CTNNA1: variants seen among roughly 807,000 people sequenced by gnomAD.
The protein encoded by CTNNA1 is catenin alpha-1.
CTNNA1 carries 37 observed loss-of-function variants against 98.4 expected under a neutral mutation model. The observed-to-expected ratio is 0.38, with a 90% CI of 0.29 to 0.49. The LOEUF is 0.49. CTNNA1 is among the 20% of genes least tolerant of loss of function. The pLI, the probability that CTNNA1 is intolerant of heterozygous loss-of-function variation, is 0.95. For missense variants in CTNNA1, 761 were observed against 1,147.2 expected (o/e 0.66, Z 4.86); for synonymous variants, 404 against 413.2 (o/e 0.98, Z 0.27).
At position 138,782,002 on chromosome 5, in the gene CTNNA1, G is replaced by A; in HGVS notation, c.78G>A (p.Glu26=). ...TAGAGATCAGGACTCTGGCAGTTGAGAGACTGTTGGAGCCTCTTGTTACAC... is the reference window on the plus strand; with the variant it reads ...TAGAGATCAGGACTCTGGCAGTTGAAAGACTGTTGGAGCCTCTTGTTACAC... ...KSLEIRTLAV[E]RLLEPLVTQV... is the part of the protein sequence containing the mutation. The change falls in exon 2 of 18, where the codon GAG becomes GAA. Residue 26 remains glutamate (E), a synonymous_variant. Coordinates refer to ENST00000302763, the MANE Select transcript of CTNNA1 (RefSeq NM_001903.5). 6.2e-7 allele frequency: 1 copy of A among 1,607,980 alleles called. No individual in the cohort carries two copies. Among genetic ancestry groups the A allele is most frequent in the Non-Finnish European group, 8.5e-7 (1 of 1,178,790 alleles).
intron 9 of CTNNA1, among the ~76,000 whole-genome samples, chr5:138,898,920 T>C (rs1757460090): frequency 6.6e-6 from 1 of 152,226 alleles, no homozygotes; most frequent in South Asian, 2.1e-4. Flanking sequence ...ATTTTGACTT[T>C]CTAGGTTACT....
intron 12 of CTNNA1, among the ~76,000 whole-genome samples, chr5:138,925,000 C>T (rs1351398574): frequency 2.0e-5 from 3 of 152,174 alleles, no homozygotes; most frequent in East Asian, 3.8e-4. Context: ...TAAGGTAGGT[C>T]CCATTCTTAA....
chr5:138,887,671 G>T, intron 9 of CTNNA1, 29 bp downstream of exon 9: 1 of 1,587,778 alleles, frequency 6.3e-7, no homozygotes, highest in Non-Finnish European at 8.6e-7. Context: ...TCATTGACTT[G>T]TAGGCAACTT....
At chr5:138,902,921 T>G in intron 9 of CTNNA1, among the ~76,000 whole-genome samples, 1 of 152,198 alleles carries the variant, frequency 6.6e-6, no homozygotes, top group East Asian at 1.9e-4. Flanking sequence ...TTACAAAATT[T>G]ATCTTAGGTC....
chr5:138,844,866 AT>A lies in CTNNA1; in HGVS notation c.1062+17150del, dbSNP rs1458116731. 5.3e-5 allele frequency among the ~76,000 whole-genome samples: 8 copies of A among 152,324 alleles called. 1 individual carries two copies. Among genetic ancestry groups the A allele is most frequent in the African/African-American group, 1.4e-4 (6 of 41,572 alleles). On this transcript the variant is annotated intron_variant, in intron 7 of 17. Transcript: ENST00000302763. Reference sequence around the variant, plus strand: ...TTAAAACAAAGATTTAGAGTCAAAAATTAATTAGTGTGCAGGAGACAGCAAA... The same window carrying A: ...TTAAAACAAAGATTTAGAGTCAAAAATAATTAGTGTGCAGGAGACAGCAAA...
At position 138,768,644 on chromosome 5, in the gene CTNNA1, C is replaced by T. The variant is rs112851475; in HGVS notation, c.-2-13279C>T. Among the ~76,000 whole-genome samples, 43 of 145,462 alleles carry T rather than the reference C, an allele frequency of 3.0e-4. 1 individual carries two copies. The highest frequency in any genetic ancestry group is 1.8e-3 in the South Asian group (8 of 4,568). On this transcript the variant is annotated intron_variant, in intron 1 of 17. Transcript: ENST00000302763. ...CAGTGGCTGTTTGCAGGCACAATCACGGCATGCTAAACTCCTGAACTCCTG... is the reference window on the plus strand; with the variant it reads ...CAGTGGCTGTTTGCAGGCACAATCATGGCATGCTAAACTCCTGAACTCCTG...
At chr5:138,768,881 AT>A (rs1753226186) in intron 1 of CTNNA1, among the ~76,000 whole-genome samples, 1 of 152,038 alleles carries the variant, frequency 6.6e-6, no homozygotes, top group Non-Finnish European at 1.5e-5. Flanking sequence ...TTAATAATTA[AT>A]TGCTACAGTG....
At chr5:138,792,635 G>C (rs1400425746) in intron 3 of CTNNA1, among the ~76,000 whole-genome samples, 1 of 152,178 alleles carries the variant, frequency 6.6e-6, no homozygotes, top group African/African-American at 2.4e-5. Flanking sequence ...TAATTTGTCT[G>C]ATCTGGTTAG....
chr5:138,853,201 C>T (rs1763403094), intron 7 of CTNNA1, among the ~76,000 whole-genome samples: 1 of 152,054 alleles, frequency 6.6e-6, no homozygotes. Context: ...CCCGCCTCGG[C>T]CTCCCAAAGT....
At chr5:138,791,147 AT>A (rs1756310607) in intron 3 of CTNNA1, 1 of 151,980 alleles carries the variant, frequency 6.6e-6, no homozygotes, top group South Asian at 2.1e-4. Context: ...GTTTAGACAG[AT>A]TTGTCTTAAG....
intron 7 of CTNNA1, among the ~76,000 whole-genome samples, chr5:138,838,783 T>G (rs1279930054): frequency 6.6e-6 from 1 of 152,074 alleles, no homozygotes; most frequent in Non-Finnish European, 1.5e-5. Context: ...TTATTTTTAT[T>G]TTTTTGTTGT....
intron 17 of CTNNA1, 86 bp from the exon 18 acceptor site, chr5:138,933,716 G>C: frequency 2.1e-6 from 3 of 1,412,336 alleles, no homozygotes; most frequent in Non-Finnish European, 2.9e-6. Flanking sequence ...AGAGGAGTAG[G>C]GGGCTCCCCT....
At chr5:138,764,020 A>G (rs980873944) in intron 1 of CTNNA1, among the ~76,000 whole-genome samples, 2 of 152,166 alleles carry the variant, frequency 1.3e-5, no homozygotes, top group African/African-American at 2.4e-5. Flanking sequence ...CACCGTCTCT[A>G]CTAAAAATAC....
intron 3 of CTNNA1, among the ~76,000 whole-genome samples, chr5:138,785,154 C>T (rs825765): frequency 0.69 from 100,181 of 146,002 alleles, 34,522 homozygotes; most frequent in East Asian, 0.93. Context: ...CTCCGCCTCC[C>T]GGGTTCACGC....
intron 7 of CTNNA1, among the ~76,000 whole-genome samples, chr5:138,854,375 G>C (rs915892968): frequency 6.6e-6 from 1 of 152,128 alleles, no homozygotes; most frequent in Admixed American, 6.5e-5. Flanking sequence ...CTTTCTCTTT[G>C]AAATAAATAG....
intron 7 of CTNNA1, among the ~76,000 whole-genome samples, chr5:138,837,044 T>C (rs1761845270): frequency 1.3e-5 from 2 of 152,136 alleles, no homozygotes; most frequent in African/African-American, 4.8e-5. Flanking sequence ...ATATGGAAAT[T>C]TGATGGTTTT....
At chr5:138,755,237 T>C (rs1751497812) in intron 1 of CTNNA1, 1 of 152,136 alleles carries the variant, frequency 6.6e-6, no homozygotes, top group Non-Finnish European at 1.5e-5. Context: ...CAAAAGAAAC[T>C]TGTAGAGGCA....
intron 7 of CTNNA1, among the ~76,000 whole-genome samples, chr5:138,879,473 G>GTT (rs200275537): frequency 2.6e-4 from 39 of 150,296 alleles, no homozygotes; most frequent in African/African-American, 8.1e-4. Flanking sequence ...TGTTTTTTTT[G>GTT]TTTTTTTTTA....
intron 5 of CTNNA1, among the ~76,000 whole-genome samples, chr5:138,815,299 A>G (rs1759319062): frequency 6.6e-6 from 1 of 152,060 alleles, no homozygotes; most frequent in South Asian, 2.1e-4. Flanking sequence ...TATTATATAC[A>G]TGCTGGATAA....
Sources: allele counts gnomAD v4.1 joint callset (sites outside exome capture counted in the v4.1 genomes callset), GRCh38; gene constraint gnomAD v4.1.1; transcripts MANE v1.5; gene names NCBI Gene and HGNC (gene_info 2026-07-23, HGNC 2026-07-21).